FHIT: variants seen among roughly 807,000 people sequenced by gnomAD.
The protein encoded by FHIT is fragile histidine triad diadenosine triphosphatase.
FHIT carries 19 observed loss-of-function variants against 17.9 expected under a neutral mutation model. The observed-to-expected ratio is 1.06, with a 90% confidence interval of 0.74 to 1.56. The LOEUF (loss-of-function observed/expected upper bound fraction) is 1.56, where lower values mean the gene tolerates loss of function less well. Ranked by LOEUF, FHIT falls within the 40% of genes most tolerant of loss-of-function variation. FHIT has a pLI of 0.00. For synonymous variants in FHIT, 81 were observed against 69.7 expected (o/e 1.16, Z -0.81); for missense variants, 248 against 189.2 (o/e 1.31, Z -1.82).
chr3:60,432,061 C>T (rs1394923853), intron 5 of FHIT, among the ~76,000 whole-genome samples: 2 of 152,018 alleles, frequency 1.3e-5, no homozygotes, highest in Admixed American at 1.3e-4. Context: ...CTGCAACCTC[C>T]GCCTCCCAGA....
intron 5 of FHIT, among the ~76,000 whole-genome samples, chr3:60,349,289 C>A (rs1202684728): frequency 6.6e-6 from 1 of 152,164 alleles, no homozygotes; most frequent in African/African-American, 2.4e-5. Context: ...CACCAAGTGT[C>A]AACCTCTGTT....
In FHIT at chr3:60,919,975, A is replaced by G. The variant is rs550034196; in HGVS notation, c.-110-97964T>C. On this transcript the variant is annotated intron_variant, in intron 3 of 9. Coordinates refer to ENST00000492590, the MANE Select transcript of FHIT (RefSeq NM_002012.4). The stretch of plus-strand genomic sequence containing the variant: ...CTTGAACCAGGGAGACAGAGGTTGC[A>G]GTGAGCCGAGATTGCACCACTGCAC... Among the ~76,000 whole-genome samples, 152 of 152,044 alleles carry G rather than the reference A, an allele frequency of 1.0e-3. 1 individual carries two copies. Among genetic ancestry groups the G allele is most frequent in the Admixed American group, 9.4e-3 (143 of 15,264 alleles).
At chr3:60,859,983 C>A (rs1247612047) in intron 3 of FHIT, among the ~76,000 whole-genome samples, 3 of 148,400 alleles carry the variant, frequency 2.0e-5, no homozygotes, top group African/African-American at 7.5e-5. Context: ...GGCGGAGGTT[C>A]CAGTGAGCCG....
At chr3:59,876,597 G>A (rs954010473) in intron 8 of FHIT, among the ~76,000 whole-genome samples, 1 of 152,180 alleles carries the variant, frequency 6.6e-6, no homozygotes, top group Non-Finnish European at 1.5e-5. Flanking sequence ...CATACCTTTG[G>A]TGGGAGATAA....
chr3:60,676,001 T>A (rs1366714643), intron 4 of FHIT, among the ~76,000 whole-genome samples: 2 of 152,132 alleles, frequency 1.3e-5, no homozygotes, highest in South Asian at 4.1e-4. Flanking sequence ...AGATAAACAA[T>A]CCAAACAAGC....
intron 4 of FHIT, among the ~76,000 whole-genome samples, chr3:60,608,479 C>A (rs531637250): frequency 1.3e-5 from 2 of 152,152 alleles, no homozygotes; most frequent in Non-Finnish European, 2.9e-5. Flanking sequence ...TAAGTGTTCA[C>A]CAGAGGTTCA....
At chr3:60,405,695 C>G (rs538971959) in intron 5 of FHIT, among the ~76,000 whole-genome samples, 36 of 152,302 alleles carry the variant, frequency 2.4e-4, no homozygotes, top group Admixed American at 2.2e-3. Context: ...TGCATACCAC[C>G]AAACATCTAG....
chr3:60,246,745 T>C (rs1705415155), intron 5 of FHIT, among the ~76,000 whole-genome samples: 1 of 152,164 alleles, frequency 6.6e-6, no homozygotes, highest in Admixed American at 6.5e-5. Context: ...ATTTACCAAT[T>C]ACAAATTATT....
At chr3:59,962,810 G>A (rs1707747715) in intron 7 of FHIT, among the ~76,000 whole-genome samples, 1 of 152,080 alleles carries the variant, frequency 6.6e-6, no homozygotes, top group Non-Finnish European at 1.5e-5. Flanking sequence ...CATAATCTGT[G>A]GGAATAAGAA....
chr3:60,910,098 T>C (rs1706654075), intron 3 of FHIT, among the ~76,000 whole-genome samples: 1 of 152,144 alleles, frequency 6.6e-6, no homozygotes, highest in Non-Finnish European at 1.5e-5. Flanking sequence ...CAAATCTTTG[T>C]GGTTCTTTTG....
chr3:61,102,090 T>G (rs537918141), intron 2 of FHIT, among the ~76,000 whole-genome samples: 1 of 152,214 alleles, frequency 6.6e-6, no homozygotes, highest in South Asian at 2.1e-4. Flanking sequence ...TCCAACACTA[T>G]ATTGAATAGG....
At chr3:60,959,791 G>A (rs1188137744) in intron 3 of FHIT, among the ~76,000 whole-genome samples, 6 of 151,006 alleles carry the variant, frequency 4.0e-5, no homozygotes, top group Non-Finnish European at 8.9e-5. Flanking sequence ...AGAATCAGGA[G>A]AGGCTTTTTC....
intron 3 of FHIT, among the ~76,000 whole-genome samples, chr3:60,890,360 G>A (rs1173950040): frequency 2.6e-5 from 4 of 151,978 alleles, no homozygotes; most frequent in South Asian, 2.1e-4. Context: ...CAGCATAGCC[G>A]AAAGCTGAAT....
intron 4 of FHIT, among the ~76,000 whole-genome samples, chr3:60,783,533 C>T (rs1448415142): frequency 6.6e-6 from 1 of 152,114 alleles, no homozygotes; most frequent in Non-Finnish European, 1.5e-5. Flanking sequence ...TAACAGTGTA[C>T]TTGTGATTTT....
At chr3:61,073,001 C>A (rs1476533942) in intron 2 of FHIT, among the ~76,000 whole-genome samples, 1 of 151,968 alleles carries the variant, frequency 6.6e-6, no homozygotes, top group Non-Finnish European at 1.5e-5. Flanking sequence ...TTATAAAGGC[C>A]CCCAAAAACT....
In FHIT at chr3:60,949,698, G is replaced by A. The variant is rs572971272; in HGVS notation, c.-111+92349C>T. On this transcript the variant is annotated intron_variant, in intron 3 of 9. Transcript: ENST00000492590. Reference sequence around the variant, plus strand: ...TCAGTTATTAAAAATTCCTCTTCCCGGTCTCTGGTTAAAGTGGGTACCTAA... The same window carrying A: ...TCAGTTATTAAAAATTCCTCTTCCCAGTCTCTGGTTAAAGTGGGTACCTAA... Among the ~76,000 whole-genome samples, 25 of 152,004 alleles carry A rather than the reference G, an allele frequency of 1.6e-4. 1 individual carries two copies. In the East Asian group the frequency reaches 3.7e-3, roughly 22 times the overall value.
At chr3:61,135,135 G>A (rs1419241809) in intron 2 of FHIT, among the ~76,000 whole-genome samples, 3 of 152,200 alleles carry the variant, frequency 2.0e-5, no homozygotes, top group Admixed American at 1.3e-4. Flanking sequence ...CAAAGGTAGT[G>A]TTGGTGAGAA....
chr3:59,997,309 GA>G (rs1264631195), intron 7 of FHIT, among the ~76,000 whole-genome samples: 11 of 152,266 alleles, frequency 7.2e-5, no homozygotes, highest in Admixed American at 6.5e-5. Context: ...GGTAGAAGAA[GA>G]AATAGAGAAT....
intron 1 of FHIT, among the ~76,000 whole-genome samples, chr3:61,213,703 AT>A (rs1190755366): frequency 6.6e-6 from 1 of 152,138 alleles, no homozygotes; most frequent in Non-Finnish European, 1.5e-5. Flanking sequence ...CAGAACATAC[AT>A]TTTTTTCAGC....
Sources: allele counts gnomAD v4.1 joint callset (sites outside exome capture counted in the v4.1 genomes callset), GRCh38; gene constraint gnomAD v4.1.1; transcripts MANE v1.5; gene names NCBI Gene and HGNC (gene_info 2026-07-23, HGNC 2026-07-21).